The following GSE1 variants were observed in gnomAD, a reference collection of about 807,000 sequenced individuals.
GSE1 encodes Gse1 coiled-coil protein, also known as genetic suppressor element 1.
GSE1 carries 32 observed loss-of-function variants against 112.6 expected under a neutral mutation model. The observed-to-expected ratio is 0.28, with a 90% CI of 0.21 to 0.38. The LOEUF (loss-of-function observed/expected upper bound fraction) is 0.38. Ranked by LOEUF, GSE1 falls within the 10% of genes least tolerant of loss-of-function variation. The probability of loss-of-function intolerance (pLI) is 1.00; values close to 1 mark genes in which losing one functional copy is unlikely to be tolerated. For missense variants in GSE1, 2,348 were observed against 1,699.2 expected, an observed-to-expected ratio of 1.38 and a Z score of -6.71; for synonymous variants, 1,115 against 735.6, an observed-to-expected ratio of 1.52 and a Z score of -8.35.
intron 1 of GSE1, among the ~76,000 whole-genome samples, chr16:85,302,630 A>G (rs1190417201): frequency 1.3e-5 from 2 of 152,152 alleles, no homozygotes; most frequent in East Asian, 3.9e-4. Context: ...TAAAATGTGG[A>G]TTGCAGGACC....
intron 1 of GSE1, among the ~76,000 whole-genome samples, chr16:85,597,184 G>T (rs1302350699): frequency 6.6e-6 from 1 of 151,522 alleles, no homozygotes; most frequent in Non-Finnish European, 1.5e-5. Context: ...TCGCCATGTT[G>T]GCCAGGCTGG....
chr16:85,616,018 A>T (rs1426830700), intron 1 of GSE1, among the ~76,000 whole-genome samples: 1 of 152,182 alleles, frequency 6.6e-6, no homozygotes, highest in Non-Finnish European at 1.5e-5. Flanking sequence ...CTCTGGGGGA[A>T]GTTCAGGGGC....
Position 85,668,371 on chromosome 16 carries a change from G to A in GSE1, c.3362G>A (p.Arg1121His), listed in dbSNP as rs368449192. The change falls in exon 14 of 16, where the codon CGC (arginine) becomes CAC (histidine). Residue 1121 changes from arginine to histidine, a missense_variant. Arg to His is a conservative substitution (Grantham distance 29). Transcript: ENST00000253458. Reference sequence around the variant, plus strand: ...GAAGATGAGGAGGAAGTCCCCAAGCGCAAGTGGCAAGGGATCGAGGCCGTT... The same window carrying A: ...GAAGATGAGGAGGAAGTCCCCAAGCACAAGTGGCAAGGGATCGAGGCCGTT... Reference protein sequence around the residue: ...DGEDEEEVPKRKWQGIEAVFE... With the variant: ...DGEDEEEVPKHKWQGIEAVFE... The A allele has an allele frequency of 1.1e-4, 184 of 1,612,908 alleles. No homozygotes were observed. The highest frequency in any genetic ancestry group is 1.5e-4 in the Non-Finnish European group (173 of 1,179,708).
At chr16:85,633,806 GC>G in intron 1 of GSE1, 107 bp from the exon 2 acceptor site, 1 of 780,084 alleles carries the variant, frequency 1.3e-6, no homozygotes, top group Non-Finnish European at 2.2e-6. Flanking sequence ...CCCCGGGGCT[GC>G]CCCTGCTCCC....
chr16:85,614,796 A>T (rs1358150188), intron 1 of GSE1, among the ~76,000 whole-genome samples: 1 of 152,238 alleles, frequency 6.6e-6, no homozygotes, highest in Non-Finnish European at 1.5e-5. Flanking sequence ...CCTGAGGGGT[A>T]GCGGCCACAC....
At chr16:85,266,147 A>G (rs914011320) in intron 1 of GSE1, among the ~76,000 whole-genome samples, 3 of 152,082 alleles carry the variant, frequency 2.0e-5, no homozygotes, top group African/African-American at 7.2e-5. Flanking sequence ...CACCCCACCC[A>G]TCTGACAGGG....
At chr16:85,576,831 A>G (rs2046246837) in intron 1 of GSE1, among the ~76,000 whole-genome samples, 1 of 152,074 alleles carries the variant, frequency 6.6e-6, no homozygotes, top group Admixed American at 6.5e-5. Context: ...TTGCTTTGCC[A>G]CTGCAAAGCC....
chr16:85,355,979 A>T (rs1477322282), intron 1 of GSE1, among the ~76,000 whole-genome samples: 1 of 152,174 alleles, frequency 6.6e-6, no homozygotes, highest in Non-Finnish European at 1.5e-5. Flanking sequence ...GTGAGCTGAG[A>T]TCACAACACT....
rs558141385 is a variant in GSE1, at chr16:85,531,125, T to G, written c.2465-102789T>G. On this transcript the variant is annotated intron_variant, in intron 2 of 2. Transcript: ENST00000637419. ...CAGACCTCAGTGCAGGAGCTTTATT[T>G]GGGAAATGATCTCTGGAGATAGCAG... Among the ~76,000 whole-genome samples, 18 of 152,304 alleles carry G rather than the reference T, an allele frequency of 1.2e-4. No homozygotes were observed. The South Asian group carries it at 3.5e-3, about 30-fold the overall frequency.
At chr16:85,625,912 G>C (rs1238111216) in intron 1 of GSE1, among the ~76,000 whole-genome samples, 1 of 152,126 alleles carries the variant, frequency 6.6e-6, no homozygotes, top group Non-Finnish European at 1.5e-5. Context: ...GCGCTGTGTT[G>C]CTCTTTCCTC....
chr16:85,284,584 G>A (rs79809503), intron 1 of GSE1, among the ~76,000 whole-genome samples: 2,575 of 152,278 alleles, frequency 0.017, 72 homozygotes, highest in African/African-American at 0.059. Context: ...TCGGGAACTC[G>A]GTGCAGATGC....
intron 1 of GSE1, among the ~76,000 whole-genome samples, chr16:85,282,273 G>A (rs967224234): frequency 3.9e-5 from 6 of 152,130 alleles, no homozygotes; most frequent in African/African-American, 9.7e-5. Flanking sequence ...TGATCCAGCC[G>A]CCTCGGTCTC....
chr16:85,293,381 G>C (rs2151444202), intron 1 of GSE1, among the ~76,000 whole-genome samples: 1 of 152,034 alleles, frequency 6.6e-6, no homozygotes, highest in East Asian at 1.9e-4. Flanking sequence ...CCCTGTCCCT[G>C]CTAAAAATAC....
intron 1 of GSE1, among the ~76,000 whole-genome samples, chr16:85,226,893 T>C (rs1452713704): frequency 7.3e-5 from 11 of 151,564 alleles, no homozygotes; most frequent in African/African-American, 1.7e-4. Context: ...GGGAAGACTT[T>C]GCAGGCTCTT....
rs2053580782 is a variant in GSE1 at position 85,674,600 on chromosome 16, C to T, written c.*2061C>T. On this transcript the variant is annotated 3_prime_UTR_variant, in exon 16 of 16. Coordinates refer to ENST00000253458, the MANE Select transcript of GSE1 (RefSeq NM_014615.5). ...CACTTCCGCTCTCAGGCCTCCTCCT[C>T]CATCACAGATGTCTGGATGCTTTTG... is the stretch of plus-strand genomic sequence containing the variant. 1 of 152,262 alleles carries T rather than the reference C, an allele frequency of 6.6e-6. No homozygotes were observed. The highest frequency in any genetic ancestry group is 1.5e-5 in the Non-Finnish European group (1 of 68,044). 9.4% of individuals were successfully genotyped at this position (152,262 alleles called of 1,614,324 possible).
At chr16:85,414,050 C>T (rs985484967) in intron 2 of GSE1, among the ~76,000 whole-genome samples, 3 of 152,216 alleles carry the variant, frequency 2.0e-5, no homozygotes, top group African/African-American at 4.8e-5. Context: ...ATCCATTAAA[C>T]CCCTTTCCTT....
intron 14 of GSE1, among the ~76,000 whole-genome samples, chr16:85,669,563 T>G (rs1295032291): frequency 6.6e-6 from 1 of 152,188 alleles, no homozygotes; most frequent in African/African-American, 2.4e-5. Flanking sequence ...CATGTTGCCA[T>G]TCTTTTAGTG....
At chr16:85,182,874 A>G in intron 1 of GSE1, among the ~76,000 whole-genome samples, 1 of 151,264 alleles carries the variant, frequency 6.6e-6, no homozygotes, top group Non-Finnish European at 1.5e-5. Context: ...TGACCCACAC[A>G]CCCCAGCACA....
At chr16:85,203,521 C>G (rs2075065874) in intron 1 of GSE1, among the ~76,000 whole-genome samples, 1 of 152,138 alleles carries the variant, frequency 6.6e-6, no homozygotes, top group South Asian at 2.1e-4. Flanking sequence ...CCAGCAGGCC[C>G]TTGGTGCAGG....
Sources: allele counts gnomAD v4.1 joint callset (sites outside exome capture counted in the v4.1 genomes callset), GRCh38; gene constraint gnomAD v4.1.1; transcripts MANE v1.5; gene names NCBI Gene and HGNC (gene_info 2026-07-23, HGNC 2026-07-21).